The following PDSS2 variants were observed in gnomAD, a reference collection of about 807,000 sequenced individuals.
The protein encoded by PDSS2 is decaprenyl diphosphate synthase subunit 2.
In PDSS2, 31 loss-of-function variants were observed where a neutral mutation model predicts 44.5. The observed-to-expected ratio is 0.70, with a 90% confidence interval of 0.52 to 0.94. The LOEUF is 0.94. Ranked by LOEUF, PDSS2 falls within the 40% of genes least tolerant of loss-of-function variation. PDSS2 has a pLI of 0.00. For missense variants in PDSS2, 452 were observed against 482.2 expected, an observed-to-expected ratio of 0.94 and a Z score of 0.59; for synonymous variants, 157 against 180.3, an observed-to-expected ratio of 0.87 and a Z score of 1.03.
chr6:107,427,567 C>T (rs1034567969), intron 1 of PDSS2, among the ~76,000 whole-genome samples: 2 of 152,168 alleles, frequency 1.3e-5, no homozygotes, highest in South Asian at 4.1e-4. Context: ...ATTAGAAATC[C>T]ATTCTTTTAA....
intron 1 of PDSS2, among the ~76,000 whole-genome samples, chr6:107,356,911 C>T (rs1287085089): frequency 2.0e-5 from 3 of 152,094 alleles, no homozygotes; most frequent in African/African-American, 7.2e-5. Context: ...CTTTATTTGG[C>T]TATTTGTGTG....
At chr6:107,251,406 T>C (rs1774814713) in intron 3 of PDSS2, among the ~76,000 whole-genome samples, 1 of 152,222 alleles carries the variant, frequency 6.6e-6, no homozygotes, top group African/African-American at 2.4e-5. Context: ...ATGAAAAACA[T>C]GTCCATCACT....
At chr6:107,333,342 AT>A (rs575611956) in intron 2 of PDSS2, among the ~76,000 whole-genome samples, 62 of 152,288 alleles carry the variant, frequency 4.1e-4, no homozygotes, top group African/African-American at 1.5e-3. Context: ...ATATCCAGTG[AT>A]TTTTTTAAAC....
chr6:107,247,015 T>C (rs916413651), intron 3 of PDSS2, among the ~76,000 whole-genome samples: 6 of 152,134 alleles, frequency 3.9e-5, no homozygotes, highest in African/African-American at 1.4e-4. Context: ...GAAAAATGAA[T>C]GGATTTTTTT....
intron 1 of PDSS2, among the ~76,000 whole-genome samples, chr6:107,429,901 A>AAAAATATATATATATATAT (rs1166637352): frequency 3.1e-5 from 1 of 31,858 alleles, no homozygotes; most frequent in African/African-American, 1.3e-4. Context: ...AAAAAAAAAA[A>AAAAATATATATATATATAT]ATATATATAT....
chr6:107,235,774 A>C (rs770820350), intron 4 of PDSS2, among the ~76,000 whole-genome samples: 2 of 152,196 alleles, frequency 1.3e-5, no homozygotes, highest in South Asian at 4.1e-4. Flanking sequence ...GTAGACAGGG[A>C]TATTAAAACA....
intron 2 of PDSS2, among the ~76,000 whole-genome samples, chr6:107,307,220 TGC>T (rs1776887546): frequency 6.6e-6 from 1 of 152,234 alleles, no homozygotes; most frequent in Non-Finnish European, 1.5e-5. Context: ...ACCTGTGATG[TGC>T]TTGGTGATGC....
chr6:107,448,981 C>T (rs1302355110), intron 1 of PDSS2, among the ~76,000 whole-genome samples: 1 of 152,226 alleles, frequency 6.6e-6, no homozygotes, highest in Non-Finnish European at 1.5e-5. Context: ...TTACCACCCA[C>T]TGAGTCCCTC....
At position 107,225,644 on chromosome 6, in the gene PDSS2, G is replaced by A. The variant is rs71574239; in HGVS notation, c.703-13362C>T. On this transcript the variant is annotated intron_variant, in intron 4 of 7. Coordinates refer to ENST00000369037, the MANE Select transcript of PDSS2 (RefSeq NM_020381.4). The stretch of plus-strand genomic sequence containing the variant: ...GAAGTTCGTGATTAGAATTATTGGG[G>A]TCAACAGATCTGAATATATAAAAAT... 4.4e-3 allele frequency among the ~76,000 whole-genome samples: 677 copies of A among 152,138 alleles called. 3 individuals are homozygous for A. The highest frequency in any genetic ancestry group is 7.1e-3 in the Non-Finnish European group (486 of 67,994).
chr6:107,220,111 TA>T lies in PDSS2; in HGVS notation c.703-7830del, dbSNP rs34163709. On this transcript the variant is annotated intron_variant, in intron 4 of 7. Coordinates refer to ENST00000369037, the MANE Select transcript of PDSS2 (RefSeq NM_020381.4). The stretch of plus-strand genomic sequence containing the variant: ...CTGTAAATGGGCATGAGGGACCTTA[TA>T]GGGGTGTGTGTGAAAATGTTCTAAA... Among the ~76,000 whole-genome samples, 766 of 137,124 alleles carry T rather than the reference TA, an allele frequency of 5.6e-3. 1 individual carries two copies. The highest frequency in any genetic ancestry group is 7.9e-3 in the Non-Finnish European group (512 of 65,182). 90.0% of individuals were successfully genotyped at this position (137,124 alleles called of 152,430 possible).
At chr6:107,274,008 C>T (rs1267095539) in intron 3 of PDSS2, 21 bp downstream of exon 3, 1 of 1,609,564 alleles carries the variant, frequency 6.2e-7, no homozygotes, top group South Asian at 1.1e-5. Context: ...TCAGGTACAA[C>T]AAAACCCTGC....
chr6:107,319,031 C>T lies in PDSS2; in HGVS notation c.431+15167G>A, dbSNP rs1332581197. Among the ~76,000 whole-genome samples the T allele has an allele frequency of 5.9e-5, 9 of 151,802 alleles. No individual in the cohort carries two copies. In the East Asian group the frequency reaches 9.7e-4, roughly 16 times the overall value. On this transcript the variant is annotated intron_variant, in intron 2 of 7. Transcript: ENST00000369037. ...ATACACACACACACACACACATACACACACACACACACTACACACACACTC... is the reference window on the plus strand; with the variant it reads ...ATACACACACACACACACACATACATACACACACACACTACACACACACTC...
chr6:107,425,858 G>A (rs1780983388), intron 1 of PDSS2, among the ~76,000 whole-genome samples: 1 of 152,152 alleles, frequency 6.6e-6, no homozygotes, highest in South Asian at 2.1e-4. Flanking sequence ...CTACTCGGGA[G>A]GCTGAGGCAG....
At chr6:107,210,862 G>GC (rs1480914645) in intron 5 of PDSS2, among the ~76,000 whole-genome samples, 1 of 151,496 alleles carries the variant, frequency 6.6e-6, no homozygotes, top group East Asian at 1.9e-4. Context: ...AAATTGGGGG[G>GC]GGTTTGCACA....
At chr6:107,244,539 A>G (rs1319568853) in intron 4 of PDSS2, among the ~76,000 whole-genome samples, 1 of 152,172 alleles carries the variant, frequency 6.6e-6, no homozygotes, top group Non-Finnish European at 1.5e-5. Context: ...TGCTTAGGTG[A>G]GGCCAGATGT....
At chr6:107,298,642 T>C (rs1220754422) in intron 2 of PDSS2, among the ~76,000 whole-genome samples, 2 of 152,230 alleles carry the variant, frequency 1.3e-5, no homozygotes, top group Admixed American at 1.3e-4. Context: ...TGTGTATGTA[T>C]GCATATATGT....
rs765747977 is a variant in PDSS2 at position 107,334,375 on chromosome 6, G to A, written c.297-43C>T. ...AGGAAGAGGATTAATATACCCTCACGAGATCATCAGATAACTTAGAAAACT... is the reference window on the plus strand; with the variant it reads ...AGGAAGAGGATTAATATACCCTCACAAGATCATCAGATAACTTAGAAAACT... On this transcript the variant is annotated intron_variant, in intron 1 of 7. Coordinates refer to ENST00000369037, the MANE Select transcript of PDSS2 (RefSeq NM_020381.4). The A allele has an allele frequency of 1.7e-5, 27 of 1,577,974 alleles. No individual in the cohort carries two copies. The Middle Eastern group carries it at 5.0e-4, about 29-fold the overall frequency.
intron 1 of PDSS2, among the ~76,000 whole-genome samples, chr6:107,437,493 C>A (rs546626246): frequency 1.6e-4 from 24 of 148,198 alleles, no homozygotes; most frequent in African/African-American, 5.3e-4. Flanking sequence ...CCACTGCACT[C>A]CAGCCTAGGA....
At chr6:107,234,682 A>G (rs1412131762) in intron 4 of PDSS2, among the ~76,000 whole-genome samples, 1 of 151,990 alleles carries the variant, frequency 6.6e-6, no homozygotes, top group Non-Finnish European at 1.5e-5. Context: ...TCTCTCTAAA[A>G]CCAGTCTTTG....
Sources: allele counts gnomAD v4.1 joint callset (sites outside exome capture counted in the v4.1 genomes callset), GRCh38; gene constraint gnomAD v4.1.1; transcripts MANE v1.5; gene names NCBI Gene and HGNC (gene_info 2026-07-23, HGNC 2026-07-21).